Variants in SACS observed in about 807,000 individuals in gnomAD.
The protein encoded by SACS is sacsin molecular chaperone.
Under a neutral mutation model 348.0 loss-of-function variants are expected in SACS, and 197 were observed. The ratio of observed to expected loss-of-function variants is 0.57; its 90% CI spans 0.50 to 0.64. The LOEUF (loss-of-function observed/expected upper bound fraction) is 0.64, where lower values mean the gene tolerates loss of function less well. Among genes scored for constraint, SACS ranks in the 30% least tolerant of loss-of-function variants. The pLI is 0.00. For missense variants in SACS, 4,999 were observed against 5,360.8 expected (o/e 0.93, Z 2.11); for synonymous variants, 1,985 against 1,910.6 (o/e 1.04, Z -1.02).
Position 23,333,448 on chromosome 13 carries a change from T to C in SACS, c.10428A>G (p.Val3476=), listed in dbSNP as rs2137574942. Reference sequence around the variant, plus strand: ...TTTTTGGTAAGAGGTGTTTCAAATATACCTCAAGATCATCTACAGGTACAC... The same window carrying C: ...TTTTTGGTAAGAGGTGTTTCAAATACACCTCAAGATCATCTACAGGTACAC... ...IGCVPVDDLE[V]YLKHLLPKIE... The change falls in exon 10 of 10, where the codon GTA becomes GTG. Residue 3476 remains valine (V), a synonymous_variant. Transcript: ENST00000382292. 4.3e-6 allele frequency: 7 copies of C among 1,610,976 alleles called. No individual in the cohort carries two copies. In the South Asian group the frequency reaches 7.7e-5, roughly 18 times the overall value.
intron 7 of SACS, among the ~76,000 whole-genome samples, chr13:23,357,187 A>C (rs1220942135): frequency 1.3e-5 from 2 of 152,234 alleles, no homozygotes; most frequent in African/African-American, 4.8e-5. Flanking sequence ...CTCACGCCAC[A>C]GTTCATTCCT....
intron 2 of SACS, among the ~76,000 whole-genome samples, chr13:23,390,713 T>A (rs1465178190): frequency 6.6e-6 from 1 of 152,230 alleles, no homozygotes; most frequent in Non-Finnish European, 1.5e-5. Context: ...TGTGTTATAC[T>A]GGGTAATACA....
chr13:23,356,128 C>T (rs74614483), intron 7 of SACS, 121 bp from the exon 8 acceptor site: 7 of 798,520 alleles, frequency 8.8e-6, no homozygotes, highest in Middle Eastern at 3.6e-4. Flanking sequence ...TTTATCTAAA[C>T]ACAAACTTAA....
chr13:23,339,815 T>C lies in SACS; in HGVS notation c.4061A>G (p.Gln1354Arg). The change falls in exon 10 of 10, where the codon CAA becomes CGA. Residue 1354 changes from glutamine (Q) to arginine (R), a missense_variant. Physicochemically the swap from Gln to Arg is conservative, Grantham distance 43. Transcript: ENST00000382292. The stretch of plus-strand genomic sequence containing the variant: ...AATATTCAACATAAGATGAAGATTT[T>C]GTTTGCTTTCTTGTTCACTGAGATC... ...DQDLSEQESK[Q>R]NLHLMLNIIR... 1 of 1,613,206 alleles carries C rather than the reference T, an allele frequency of 6.2e-7. No homozygotes were observed. Among genetic ancestry groups the C allele is most frequent in the African/African-American group, 1.3e-5 (1 of 75,018 alleles).
At chr13:23,357,053 ATGACCTT>A (rs1435278010) in intron 7 of SACS, among the ~76,000 whole-genome samples, 1 of 152,210 alleles carries the variant, frequency 6.6e-6, no homozygotes, top group African/African-American at 2.4e-5. Context: ...CCTATGACCT[ATGACCTT>A]CTCAAATCCT....
At chr13:23,360,388 C>CAAAAAAAAAAAA (rs869085963) in intron 6 of SACS, among the ~76,000 whole-genome samples, 1 of 64,270 alleles carries the variant, frequency 1.6e-5, no homozygotes. Context: ...TCTACAAAGA[C>CAAAAAAAAAAAA]AAAAAAAAAA....
rs759103333 is a variant in SACS, at chr13:23,336,070, T to C, written c.7806A>G (p.Arg2602=). Residue 2602 remains arginine, a synonymous_variant, in exon 10 of 10, where the codon AGA becomes AGG. Coordinates refer to ENST00000382292, the MANE Select transcript of SACS (RefSeq NM_014363.6). Reference sequence around the variant, plus strand: ...TGCCTTTTCCAAGATTCTGAATTCCTCTAACATCATCTTCTGTAAATGGCT... The same window carrying C: ...TGCCTTTTCCAAGATTCTGAATTCCCCTAACATCATCTTCTGTAAATGGCT... The part of the protein sequence containing the change: ...NNQPFTEDDV[R]GIQNLGKGTK... 6.2e-7 allele frequency: 1 copy of C among 1,611,958 alleles called. No homozygotes were observed. The highest frequency in any genetic ancestry group is 1.1e-5 in the South Asian group (1 of 90,974).
chr13:23,340,938 T>C lies in SACS; in HGVS notation c.2938A>G (p.Met980Val), dbSNP rs539069124. 2 of 1,614,046 alleles carry C rather than the reference T, an allele frequency of 1.2e-6. No homozygotes were observed. Among genetic ancestry groups the C allele is most frequent in the Middle Eastern group, 1.6e-4 (1 of 6,062 alleles). The change falls in exon 10 of 10, where the codon ATG becomes GTG. Residue 980 changes from methionine (M) to valine (V), a missense_variant. Coordinates refer to ENST00000382292, the MANE Select transcript of SACS (RefSeq NM_014363.6). ...GTCTTTAACTGTTCTATTTTCAACA[T>C]GTTTGCCAGACGAATAGTAGCTTCA... ...SDEATIRLAN[M>V]LKIEQLKTTS...
At chr13:23,426,924 C>T (rs1302435859) in intron 1 of SACS, 2 of 152,160 alleles carry the variant, frequency 1.3e-5, no homozygotes, top group Non-Finnish European at 2.9e-5. Context: ...CCTTTCACCC[C>T]CTCAAACCTC....
intron 1 of SACS, among the ~76,000 whole-genome samples, chr13:23,426,560 A>G (rs1874185883): frequency 6.6e-6 from 1 of 151,276 alleles, no homozygotes; most frequent in Admixed American, 6.6e-5. Context: ...GAATTGCTTG[A>G]ACTCGGGAGG....
At chr13:23,431,261 G>A (rs977772460) in intron 1 of SACS, among the ~76,000 whole-genome samples, 1 of 152,206 alleles carries the variant, frequency 6.6e-6, no homozygotes, top group South Asian at 2.1e-4. Context: ...TAGAGATGGC[G>A]TTAAAAGGCT....
chr13:23,402,140 T>A (rs941828975), intron 2 of SACS, among the ~76,000 whole-genome samples: 7 of 148,046 alleles, frequency 4.7e-5, no homozygotes, highest in Admixed American at 4.1e-4. Flanking sequence ...ATTGCGCCAC[T>A]GCACTCCAGC....
At position 23,337,301 on chromosome 13, in the gene SACS, A is replaced by G. The variant is rs1868719132; in HGVS notation, c.6575T>C (p.Ile2192Thr). 1.2e-6 allele frequency: 2 copies of G among 1,613,824 alleles called. No individual in the cohort carries two copies. The highest frequency in any genetic ancestry group is 1.7e-6 in the Non-Finnish European group (2 of 1,179,860). Residue 2192 changes from isoleucine to threonine, a missense_variant, in exon 10 of 10, where the codon ATC becomes ACC. Around this residue, in one of 6 missense-constraint regions of SACS, gnomAD observed 3,156 missense variants for 3,380.1 expected, o/e 0.93. Transcript: ENST00000382292. ...CLRSSILLSL[I>T]DEKLKIRDPR... ...ATCCCTTATTTTTAGTTTCTCATCGATAAGACTCAATAAGATACTACTTCT... is the reference window on the plus strand; with the variant it reads ...ATCCCTTATTTTTAGTTTCTCATCGGTAAGACTCAATAAGATACTACTTCT...
At chr13:23,421,362 A>C (rs1311188045) in intron 1 of SACS, among the ~76,000 whole-genome samples, 4 of 151,928 alleles carry the variant, frequency 2.6e-5, no homozygotes, top group African/African-American at 9.7e-5. Context: ...CTTGGCACCT[A>C]GTTTCCCTGT....
At chr13:23,395,908 T>C (rs1301586323) in intron 2 of SACS, among the ~76,000 whole-genome samples, 1 of 152,220 alleles carries the variant, frequency 6.6e-6, no homozygotes, top group Non-Finnish European at 1.5e-5. Context: ...TAACTTTATA[T>C]ACGTATGCAT....
chr13:23,333,683 A>G lies in SACS; in HGVS notation c.10193T>C (p.Leu3398Ser). 6.2e-7 allele frequency: 1 copy of G among 1,613,794 alleles called. No individual in the cohort carries two copies. The highest frequency in any genetic ancestry group is 8.5e-7 in the Non-Finnish European group (1 of 1,179,756). ...AATTTTTATATCATCTTGGGACATC[A>G]AATGATTCAAATTGCAGTTGAAATA... is the stretch of plus-strand genomic sequence containing the variant. ...LMYFNCNLNHLMSQDDIKILK... is the reference protein window; with the variant it reads ...LMYFNCNLNHSMSQDDIKILK... Residue 3398 changes from leucine (L) to serine (S), a missense_variant, in exon 10 of 10, where the codon TTG becomes TCG. By Grantham distance (145) the Leu-to-Ser change is moderately radical. This residue lies in a region of SACS where 734 missense variants were observed against 694.0 expected (regional missense o/e 1.06). Transcript: ENST00000382292.
chr13:23,355,823 G>A lies in SACS; in HGVS notation c.789C>T (p.Asn263=), dbSNP rs771920263. Residue 263 remains asparagine (N), a synonymous_variant, in exon 8 of 10, where the codon AAC becomes AAT. Coordinates refer to ENST00000382292, the MANE Select transcript of SACS (RefSeq NM_014363.6). ...GGAAAAATGTTCCTGGAAAATTGCCGTTTATAAATGTTTCCTTGGTGCTTC... is the reference window on the plus strand; with the variant it reads ...GGAAAAATGTTCCTGGAAAATTGCCATTTATAAATGTTTCCTTGGTGCTTC... ...IFGSTKETFI[N]GNFPGTFFRF... is the part of the protein sequence containing the mutation. 1.9e-5 allele frequency: 30 copies of A among 1,614,064 alleles called. No homozygotes were observed. Among genetic ancestry groups the A allele is most frequent in the Admixed American group, 8.3e-5 (5 of 60,004 alleles).
In SACS at chr13:23,339,400, T is replaced by C. The variant is rs1023578212; in HGVS notation, c.4476A>G (p.Glu1492=). The change falls in exon 10 of 10, where the codon GAA becomes GAG. Residue 1492 remains glutamate, a synonymous_variant. Coordinates refer to ENST00000382292, the MANE Select transcript of SACS (RefSeq NM_014363.6). ...LQNADDANAT[E]CSFLIDMRRN... ...TTCTCATATCAATCAAGAAACTGCA[T>C]TCTGTTGCATTTGCATCATCAGCGT... 1.9e-6 allele frequency: 3 copies of C among 1,611,768 alleles called. No individual in the cohort carries two copies. The highest frequency in any genetic ancestry group is 2.7e-5 in the African/African-American group (2 of 74,802).
In SACS at chr13:23,330,891, TAATC is replaced by T. The variant is rs1883423972; in HGVS notation, c.12981_12984del (p.Ile4328LeufsTer6). ...TGCCATTTCAAATACAACCGCCTAA[TAATC>T]TTTTTTCGTTCCGATTCTGGAAGCT... is the stretch of plus-strand genomic sequence containing the variant. On this transcript the variant is annotated frameshift_variant, in exon 10 of 10. Transcript: ENST00000382292. LOFTEE classifies it high-confidence loss of function. 6.2e-7 allele frequency: 1 copy of T among 1,614,122 alleles called. No individual in the cohort carries two copies. Among genetic ancestry groups the T allele is most frequent in the Non-Finnish European group, 8.5e-7 (1 of 1,180,016 alleles).
Sources: allele counts gnomAD v4.1 joint callset (sites outside exome capture counted in the v4.1 genomes callset), GRCh38; gene constraint gnomAD v4.1.1; regional missense constraint gnomAD v4.1.1; transcripts MANE v1.5; gene names NCBI Gene and HGNC (gene_info 2026-07-23, HGNC 2026-07-21).